KCNS3: variants seen among roughly 807,000 people sequenced by gnomAD.
KCNS3 encodes the protein potassium voltage-gated channel modifier subfamily S member 3.
KCNS3 carries 13 observed loss-of-function variants against 31.0 expected under a neutral mutation model. The ratio of observed to expected loss-of-function variants is 0.42; its 90% CI spans 0.27 to 0.67. KCNS3 has a LOEUF of 0.67. Among genes scored for constraint, KCNS3 ranks in the 30% least tolerant of loss-of-function variants. The pLI, the probability that KCNS3 is intolerant of heterozygous loss-of-function variation, is 0.25. For missense variants in KCNS3, 545 were observed against 622.4 expected (o/e 0.88, Z 1.32); for synonymous variants, 238 against 241.5 (o/e 0.99, Z 0.13).
intron 1 of KCNS3, among the ~76,000 whole-genome samples, chr2:17,895,576 A>G (rs1255613049): frequency 1.3e-5 from 2 of 152,134 alleles, no homozygotes; most frequent in Admixed American, 1.3e-4. Context: ...CATTTAGTAA[A>G]CTTTCACTGG....
At chr2:17,908,724 A>T (rs933573844) in intron 1 of KCNS3, among the ~76,000 whole-genome samples, 9 of 152,122 alleles carry the variant, frequency 5.9e-5, no homozygotes, top group African/African-American at 2.2e-4. Flanking sequence ...CTAGAGGTCC[A>T]CTCCAGACCC....
chr2:17,908,336 C>G (rs1197166349), intron 1 of KCNS3, among the ~76,000 whole-genome samples: 1 of 152,154 alleles, frequency 6.6e-6, no homozygotes, highest in Admixed American at 6.6e-5. Flanking sequence ...CTTCTCTACC[C>G]CGATTATTCT....
At chr2:17,921,901 ATG>A (rs370610132) in intron 2 of KCNS3, among the ~76,000 whole-genome samples, 3,969 of 73,022 alleles carry the variant, frequency 0.054, 139 homozygotes, top group South Asian at 0.086. Flanking sequence ...TTTCATATAT[ATG>A]TGTGTGTGTG....
At chr2:17,928,890 T>C (rs1018853362) in intron 2 of KCNS3, among the ~76,000 whole-genome samples, 1 of 152,244 alleles carries the variant, frequency 6.6e-6, no homozygotes, top group South Asian at 2.1e-4. Flanking sequence ...TTCTGTCTTA[T>C]AAACTTCTTC....
chr2:17,921,923 A>G (rs1296182054), intron 2 of KCNS3, among the ~76,000 whole-genome samples: 4 of 57,490 alleles, frequency 7.0e-5, no homozygotes, highest in Admixed American at 2.1e-4. Context: ...GTGTATATAT[A>G]TATATATATA....
Position 17,893,871 on chromosome 2 carries a change from A to C in KCNS3, c.-252+15065A>C, listed in dbSNP as rs1036991100. 4.0e-5 allele frequency among the ~76,000 whole-genome samples: 6 copies of C among 149,382 alleles called. No individual in the cohort carries two copies. The East Asian group carries it at 1.0e-3, about 25-fold the overall frequency. On this transcript the variant is annotated intron_variant, in intron 1 of 2. Transcript: ENST00000304101. ...CAGCCAATCTGAAGCTAAAATTCAC[A>C]ATGCGAGCCTCCACATGCCGGAGCT... is the stretch of plus-strand genomic sequence containing the variant.
chr2:17,893,722 GT>G (rs1389544599), intron 1 of KCNS3, among the ~76,000 whole-genome samples: 1 of 152,108 alleles, frequency 6.6e-6, no homozygotes, highest in Admixed American at 6.5e-5. Flanking sequence ...GGGGAGGAGG[GT>G]CTACCTTTCC....
rs192921380 is a variant in KCNS3, at chr2:17,905,615, A to G, written c.-251-12065A>G. Among the ~76,000 whole-genome samples, 1,266 of 152,256 alleles carry G rather than the reference A, an allele frequency of 8.3e-3. 19 individuals are homozygous for G. The highest frequency in any genetic ancestry group is 0.028 in the African/African-American group (1,157 of 41,532). ...TGTGGGTTTGTCATAAATAGCTCTT[A>G]TTATTTTGAGATACATCTCATCAAT... On this transcript the variant is annotated intron_variant, in intron 1 of 2. Coordinates refer to ENST00000304101, the MANE Select transcript of KCNS3 (RefSeq NM_002252.5).
At chr2:17,905,161 G>A (rs1413751998) in intron 1 of KCNS3, among the ~76,000 whole-genome samples, 3 of 152,078 alleles carry the variant, frequency 2.0e-5, no homozygotes, top group Non-Finnish European at 2.9e-5. Context: ...AGTTCTCCTT[G>A]AAGAGGTCCT....
At chr2:17,896,013 C>T (rs1433060166) in intron 1 of KCNS3, among the ~76,000 whole-genome samples, 2 of 152,074 alleles carry the variant, frequency 1.3e-5, no homozygotes, top group Non-Finnish European at 2.9e-5. Context: ...AGAGTATTGG[C>T]ATATTCTGAC....
chr2:17,907,284 C>G lies in KCNS3; in HGVS notation c.-251-10396C>G, dbSNP rs191051157. Among the ~76,000 whole-genome samples the G allele has an allele frequency of 8.5e-5, 13 of 152,274 alleles. No individual in the cohort carries two copies. In the South Asian group the frequency reaches 2.1e-3, roughly 24 times the overall value. On this transcript the variant is annotated intron_variant, in intron 1 of 2. Transcript: ENST00000304101. ...TTATCAGAGACTAGGATTGCAACCA[C>G]TGGTTTCTTTTGCTTTCCATTTGCT...
chr2:17,889,786 T>A (rs1466682742), intron 1 of KCNS3, among the ~76,000 whole-genome samples: 1 of 152,206 alleles, frequency 6.6e-6, no homozygotes. Flanking sequence ...ATCCAGTTGA[T>A]CATGGTGGAT....
At chr2:17,885,648 G>C (rs925088002) in intron 1 of KCNS3, among the ~76,000 whole-genome samples, 1 of 152,174 alleles carries the variant, frequency 6.6e-6, no homozygotes, top group Admixed American at 6.5e-5. Context: ...TCCTGTTTGA[G>C]GGGGTCCAGG....
intron 1 of KCNS3, among the ~76,000 whole-genome samples, chr2:17,908,877 G>A (rs986316978): frequency 6.6e-6 from 1 of 152,242 alleles, no homozygotes; most frequent in Non-Finnish European, 1.5e-5. Context: ...CCTACTGGGG[G>A]GTGCCTCCCA....
At chr2:17,899,622 G>C (rs1236280148) in intron 1 of KCNS3, among the ~76,000 whole-genome samples, 3 of 152,170 alleles carry the variant, frequency 2.0e-5, no homozygotes, top group Non-Finnish European at 4.4e-5. Context: ...CGTTTGCAGA[G>C]TGGGACTAAT....
intron 1 of KCNS3, among the ~76,000 whole-genome samples, chr2:17,907,891 C>G (rs1402243183): frequency 6.6e-6 from 1 of 152,202 alleles, no homozygotes; most frequent in African/African-American, 2.4e-5. Flanking sequence ...CTGCCCTTAA[C>G]ATTTTTTCCT....
chr2:17,910,535 G>T (rs1662446562), intron 1 of KCNS3, among the ~76,000 whole-genome samples: 1 of 152,042 alleles, frequency 6.6e-6, no homozygotes, highest in South Asian at 2.1e-4. Context: ...TGTTTCTGTT[G>T]TTGTCAGCAT....
intron 1 of KCNS3, among the ~76,000 whole-genome samples, chr2:17,913,759 A>G (rs1037438869): frequency 6.6e-6 from 1 of 152,092 alleles, no homozygotes; most frequent in Admixed American, 6.5e-5. Flanking sequence ...TTGGTTCTTA[A>G]GTGGGGATGA....
At chr2:17,920,685 C>T (rs1206851223) in intron 2 of KCNS3, among the ~76,000 whole-genome samples, 2 of 152,136 alleles carry the variant, frequency 1.3e-5, no homozygotes, top group Non-Finnish European at 2.9e-5. Context: ...AGAATCAATA[C>T]AGTGAAGCTA....
Sources: allele counts gnomAD v4.1 joint callset (sites outside exome capture counted in the v4.1 genomes callset), GRCh38; gene constraint gnomAD v4.1.1; transcripts MANE v1.5; gene names NCBI Gene and HGNC (gene_info 2026-07-23, HGNC 2026-07-21).